Variants in HEATR5A observed in about 807,000 individuals in gnomAD.
HEATR5A encodes the protein HEAT repeat-containing protein 5A.
Under a neutral mutation model 218.8 loss-of-function variants are expected in HEATR5A, and 178 were observed. That is an observed-to-expected ratio of 0.81 (90% CI 0.72 to 0.92). The LOEUF is 0.92. Among genes scored for constraint, HEATR5A ranks in the 40% least tolerant of loss-of-function variants. The pLI is 0.00. For missense variants in HEATR5A, 2,420 were observed against 2,418.9 expected, an observed-to-expected ratio of 1.00 and a Z score of -0.01; for synonymous variants, 864 against 871.6, an observed-to-expected ratio of 0.99 and a Z score of 0.15.
chr14:31,305,045 AGC>A lies in HEATR5A; in HGVS notation c.5097_5098del (p.Gln1699HisfsTer7). 6.2e-7 allele frequency: 1 copy of A among 1,613,922 alleles called. No homozygotes were observed. Among genetic ancestry groups the A allele is most frequent in the Non-Finnish European group, 8.5e-7 (1 of 1,179,870 alleles). On this transcript the variant is annotated frameshift_variant, in exon 32 of 36. Transcript: ENST00000543095. LOFTEE classifies it high-confidence loss of function. ...TGTCAATTTAGGGTTTAATTCTGGG[AGC>A]TGTCTAACTAGAATGCATACACACA... is the stretch of plus-strand genomic sequence containing the variant.
chr14:31,371,957 G>C, intron 12 of HEATR5A, 48 bp from the exon 13 acceptor site: 1 of 769,656 alleles, frequency 1.3e-6, no homozygotes, highest in Non-Finnish European at 2.1e-6. Flanking sequence ...AATCAACCAT[G>C]AAAGGCACAT....
rs1900263341 is a variant in HEATR5A at position 31,326,294 on chromosome 14, A to G, written c.3416T>C (p.Leu1139Pro). ...TAATCTCTCATCTGTCTCCTTGTCT[A>G]GTAAGATCAACAATGCCCCCTCAAG... ...VGLEGALLILLDKETDERLCH... is the reference protein window; with the variant it reads ...VGLEGALLILPDKETDERLCH... Residue 1139 changes from leucine (L) to proline (P), a missense_variant, in exon 23 of 36, where the codon CTA becomes CCA. Coordinates refer to ENST00000543095, the MANE Select transcript of HEATR5A (RefSeq NM_015473.4). 1 of 1,613,292 alleles carries G rather than the reference A, an allele frequency of 6.2e-7. No individual in the cohort carries two copies. Among genetic ancestry groups the G allele is most frequent in the Admixed American group, 1.7e-5 (1 of 59,992 alleles).
At chr14:31,361,857 C>T (rs1041652818) in intron 14 of HEATR5A, among the ~76,000 whole-genome samples, 48 of 152,174 alleles carry the variant, frequency 3.2e-4, no homozygotes, top group African/African-American at 1.1e-3. Context: ...TTCTTAAGTA[C>T]ATTCCACATG....
chr14:31,314,458 T>C (rs1037909495), intron 27 of HEATR5A, among the ~76,000 whole-genome samples: 3 of 151,556 alleles, frequency 2.0e-5, no homozygotes, highest in Admixed American at 6.6e-5. Context: ...GGTTTCTCCA[T>C]GTTGGTCAGG....
At chr14:31,412,507 G>C (rs1325300047) in intron 1 of HEATR5A, among the ~76,000 whole-genome samples, 6 of 75,122 alleles carry the variant, frequency 8.0e-5, no homozygotes, top group African/African-American at 2.1e-4. Flanking sequence ...GACAGAGCAA[G>C]ACTCCATCTC....
At chr14:31,326,504 C>T (rs755816215) in intron 22 of HEATR5A, among the ~76,000 whole-genome samples, 162 bp from the exon 23 acceptor site, 93 of 152,206 alleles carry the variant, frequency 6.1e-4, no homozygotes, top group Non-Finnish European at 1.1e-3. Context: ...TTAGTTCACA[C>T]TTGAATTTTG....
At chr14:31,382,200 G>C (rs2030019080) in intron 10 of HEATR5A, among the ~76,000 whole-genome samples, 1 of 152,200 alleles carries the variant, frequency 6.6e-6, no homozygotes, top group Non-Finnish European at 1.5e-5. Flanking sequence ...TACATTGAAT[G>C]ACAAGTCTTT....
chr14:31,368,026 T>C (rs1901870525), intron 13 of HEATR5A, among the ~76,000 whole-genome samples: 1 of 152,152 alleles, frequency 6.6e-6, no homozygotes. Flanking sequence ...GAATGTGTCC[T>C]CCAAAATTCA....
At chr14:31,302,616 AG>A in intron 32 of HEATR5A, 97 bp from the exon 33 acceptor site, 1 of 778,592 alleles carries the variant, frequency 1.3e-6, no homozygotes, top group Non-Finnish European at 2.0e-6. Flanking sequence ...TCAGATTTTC[AG>A]TTTTTAAAAG....
intron 14 of HEATR5A, among the ~76,000 whole-genome samples, chr14:31,362,212 AT>A (rs1184736317): frequency 6.6e-6 from 1 of 151,884 alleles, no homozygotes; most frequent in Non-Finnish European, 1.5e-5. Flanking sequence ...CAAATGATCC[AT>A]TTGTCTTAGC....
chr14:31,410,315 T>G (rs2031229866), intron 1 of HEATR5A, among the ~76,000 whole-genome samples: 3 of 152,136 alleles, frequency 2.0e-5, no homozygotes, highest in Admixed American at 6.5e-5. Flanking sequence ...AAACCCCAAC[T>G]GTCAAGAACT....
Position 31,309,286 on chromosome 14 carries a change from T to C in HEATR5A, c.4442-104A>G, listed in dbSNP as rs1484267141. ...CATTTCCATCACTCCGAAAGTTCCC[T>C]TGTACCCTTTTTCAGTCAGTTCCCT... On this transcript the variant is annotated intron_variant, in intron 28 of 35. Transcript: ENST00000543095. 4.6e-6 allele frequency: 6 copies of C among 1,291,968 alleles called. No homozygotes were observed. The East Asian group carries it at 1.4e-4, about 30-fold the overall frequency. The allele number at this position is 1,291,968 out of a possible 1,614,324, so 80.0% of individuals were successfully genotyped here. A position where few individuals can be genotyped will look rare whatever the true frequency, so the allele number is the denominator to read the frequency against.
At chr14:31,400,146 A>G (rs1455045000) in intron 3 of HEATR5A, 155 bp downstream of exon 3, 8 of 518,584 alleles carry the variant, frequency 1.5e-5, no homozygotes, top group Admixed American at 3.6e-5. Context: ...ACTAACATGA[A>G]AAGTGTTAGT....
At chr14:31,311,525 C>T (rs1001291894) in intron 28 of HEATR5A, among the ~76,000 whole-genome samples, 8 of 152,026 alleles carry the variant, frequency 5.3e-5, no homozygotes, top group Admixed American at 2.0e-4. Flanking sequence ...GATCTTCCCA[C>T]ATCAGCCTTC....
intron 22 of HEATR5A, among the ~76,000 whole-genome samples, chr14:31,329,457 A>G (rs191217634): frequency 1.3e-5 from 2 of 152,204 alleles, no homozygotes; most frequent in Non-Finnish European, 2.9e-5. Context: ...GTCCCCACGC[A>G]AGTCCAAAAT....
chr14:31,320,892 T>G (rs529020840), intron 25 of HEATR5A, among the ~76,000 whole-genome samples: 102 of 152,228 alleles, frequency 6.7e-4, no homozygotes, highest in Non-Finnish European at 7.1e-4. Context: ...CCAAAAGACA[T>G]GTTTTATGTA....
chr14:31,366,040 A>G (rs773151040), intron 13 of HEATR5A, among the ~76,000 whole-genome samples: 3 of 152,154 alleles, frequency 2.0e-5, no homozygotes, highest in Non-Finnish European at 2.9e-5. Flanking sequence ...TTGACTTATC[A>G]CTGAATATTT....
Position 31,345,290 on chromosome 14 carries a change from G to C in HEATR5A, c.2869-14C>G. On this transcript the variant is annotated splice_polypyrimidine_tract_variant and intron_variant, in intron 19 of 35. Coordinates refer to ENST00000543095, the MANE Select transcript of HEATR5A (RefSeq NM_015473.4). ...TAATGCCCAGGTCTGTAATGACAAA[G>C]AAAAACAATTAAAAACATTACAGCA... 1 of 1,564,162 alleles carries C rather than the reference G, an allele frequency of 6.4e-7. No individual in the cohort carries two copies. The highest frequency in any genetic ancestry group is 1.2e-5 in the South Asian group (1 of 84,596).
intron 10 of HEATR5A, 85 bp from the exon 11 acceptor site, chr14:31,380,663 T>C: frequency 1.2e-6 from 1 of 814,696 alleles, no homozygotes; most frequent in Non-Finnish European, 2.0e-6. Flanking sequence ...TCTTGAAAAA[T>C]TAATTCTTAC....
Sources: gnomAD v4.1 joint callset for allele counts (sites outside exome capture counted in the v4.1 genomes callset) on GRCh38, gnomAD v4.1.1 for gene constraint, MANE v1.5 for transcripts, NCBI Gene and HGNC (gene_info 2026-07-23, HGNC 2026-07-21) for gene names.